CCP110: variants seen among roughly 807,000 people sequenced by gnomAD.
CCP110 encodes centriolar coiled-coil protein of 110 kDa.
A neutral mutation model predicts 105.5 loss-of-function variants in CCP110; 43 were observed. The ratio of observed to expected loss-of-function variants is 0.41; its 90% confidence interval spans 0.32 to 0.53. The LOEUF is 0.53. Among genes scored for constraint, CCP110 ranks in the 20% least tolerant of loss-of-function variants. The pLI is 0.32. For missense variants in CCP110, 1,016 were observed against 1,189.1 expected (o/e 0.85, Z 2.14); for synonymous variants, 353 against 392.1 (o/e 0.90, Z 1.18).
exon 1 of CCP110, chr16:19,524,027 A>T (rs940752546): frequency 1.3e-5 from 2 of 153,686 alleles, no homozygotes; most frequent in African/African-American, 4.8e-5. Context: ...CATTTGAGCC[A>T]TTCGCTTCCT....
At chr16:19,540,947 A>G (rs1970256199) in intron 5 of CCP110, among the ~76,000 whole-genome samples, 160 bp downstream of exon 5, 1 of 152,210 alleles carries the variant, frequency 6.6e-6, no homozygotes, top group South Asian at 2.1e-4. Context: ...CAAAATATGA[A>G]TTTTGATATT....
Position 19,548,636 on chromosome 16 carries a change from A to G in CCP110, c.2986+36A>G. 1 of 1,310,936 alleles carries G rather than the reference A, an allele frequency of 7.6e-7. No individual in the cohort carries two copies. The highest frequency in any genetic ancestry group is 1.1e-6 in the Non-Finnish European group (1 of 936,222). 81.2% of individuals were successfully genotyped at this position (1,310,936 alleles called of 1,614,324 possible). On this transcript the variant is annotated intron_variant, in intron 14 of 14. Coordinates refer to ENST00000381396, the Ensembl canonical transcript of CCP110. The surrounding 1 kb of genome is among the most constrained non-coding windows in gnomAD (Gnocchi z 4.1). ...AATAAATTCCTGAAGCCCATTCAAT[A>G]GAAGGAAGTGCACAAGCTGCCCCAT... is the stretch of plus-strand genomic sequence containing the variant.
intron 14 of CCP110, among the ~76,000 whole-genome samples, chr16:19,550,282 G>C (rs1246089957): frequency 1.3e-5 from 2 of 151,882 alleles, no homozygotes; most frequent in East Asian, 3.9e-4. Context: ...CTCCCAAGTA[G>C]CTGGAATTAC....
chr16:19,536,715 CCG>C lies in CCP110; in HGVS notation c.1047_1048del (p.Glu350LysfsTer2). 2.5e-6 allele frequency: 4 copies of C among 1,614,114 alleles called. No homozygotes were observed. The highest frequency in any genetic ancestry group is 3.4e-6 in the Non-Finnish European group (4 of 1,180,024). ...TTTAAAGTTATTCCCACTTTTGTTA[CCG>C]AAAATAATGTTATCAAAAGTCTTAC... is the stretch of plus-strand genomic sequence containing the variant. On this transcript the variant is annotated frameshift_variant, in exon 4 of 15. Coordinates refer to ENST00000381396, the Ensembl canonical transcript of CCP110. LOFTEE classifies it high-confidence loss of function.
In CCP110 at chr16:19,538,302, C is replaced by CTTTTTTTTTTTTTTT. The variant is rs1164690143; in HGVS notation, c.1918+729_1918+743dup. On this transcript the variant is annotated intron_variant, in intron 4 of 14. Transcript: ENST00000381396. The stretch of plus-strand genomic sequence containing the variant: ...ATATTAATAATTGGAGGAAACAGTT[C>CTTTTTTTTTTTTTTT]TTTTTTTTTTTTTTTTTTTTTTTTT... 1.0e-3 allele frequency among the ~76,000 whole-genome samples: 57 copies of CTTTTTTTTTTTTTTT among 55,244 alleles called. 12 individuals carry two copies. Among genetic ancestry groups the CTTTTTTTTTTTTTTT allele is most frequent in the East Asian group, 6.3e-3 (9 of 1,438 alleles). The allele number at this position is 55,244 out of a possible 152,430, so 36.2% of individuals were successfully genotyped here. A position where few individuals can be genotyped will look rare whatever the true frequency, so the allele number is the denominator to read the frequency against.
intron 1 of CCP110, among the ~76,000 whole-genome samples, chr16:19,524,351 G>A (rs982737679): frequency 6.6e-6 from 1 of 152,150 alleles, no homozygotes; most frequent in Non-Finnish European, 1.5e-5. Context: ...GAGGAGGTGG[G>A]CATGGGGCGC....
At chr16:19,550,446 T>G (rs903017878) in intron 14 of CCP110, among the ~76,000 whole-genome samples, 1 of 152,176 alleles carries the variant, frequency 6.6e-6, no homozygotes, top group African/African-American at 2.4e-5. Flanking sequence ...AGCCACCGCG[T>G]CCAGCCAGAA....
chr16:19,536,279 C>G, exon 4 of CCP110: 5 of 1,613,598 alleles, frequency 3.1e-6, no homozygotes, highest in Non-Finnish European at 4.2e-6. Context: ...TTCTGATGGT[C>G]CCTTCTCAGT....
chr16:19,550,621 T>C (rs1308494256), intron 14 of CCP110, among the ~76,000 whole-genome samples: 1 of 152,240 alleles, frequency 6.6e-6, no homozygotes, highest in Non-Finnish European at 1.5e-5. Flanking sequence ...AATTATGTTC[T>C]GATTTGCTCT....
chr16:19,545,924 A>T, intron 11 of CCP110, 34 bp downstream of exon 11: 1 of 1,226,094 alleles, frequency 8.2e-7, no homozygotes, highest in Non-Finnish European at 1.2e-6. Flanking sequence ...GTTAGTTATC[A>T]AACCAATTAA....
intron 1 of CCP110, among the ~76,000 whole-genome samples, chr16:19,527,568 A>T (rs1969716487): frequency 6.6e-6 from 1 of 152,188 alleles, no homozygotes. Flanking sequence ...GATTTACAGA[A>T]CTTTGTTTCC....
At chr16:19,540,191 C>T (rs1429338507) in intron 4 of CCP110, among the ~76,000 whole-genome samples, 1 of 152,178 alleles carries the variant, frequency 6.6e-6, no homozygotes, top group African/African-American at 2.4e-5. Context: ...GGAATTTTAA[C>T]GTCCAGTCCT....
exon 15 of CCP110, chr16:19,551,511 A>G (rs1970640621): frequency 6.7e-6 from 3 of 449,172 alleles, no homozygotes; most frequent in South Asian, 3.2e-5. Flanking sequence ...ACATAAGTTT[A>G]TTTTATATGC....
intron 4 of CCP110, among the ~76,000 whole-genome samples, chr16:19,539,127 T>A (rs888677894): frequency 6.6e-5 from 10 of 151,314 alleles, no homozygotes; most frequent in African/African-American, 1.7e-4. Flanking sequence ...AAAAAAATAA[T>A]AATAATAAAG....
chr16:19,549,670 A>C (rs1970571997), intron 14 of CCP110, among the ~76,000 whole-genome samples: 3 of 152,242 alleles, frequency 2.0e-5, no homozygotes, highest in African/African-American at 7.2e-5. Flanking sequence ...TAACCATTTG[A>C]AAGGACTCAG....
At chr16:19,552,418 T>A (rs1374823948) in exon 15 of CCP110, 1 of 151,912 alleles carries the variant, frequency 6.6e-6, no homozygotes, top group Non-Finnish European at 1.5e-5. Context: ...TTCCAGCTAC[T>A]TGGGAGGCTG....
intron 1 of CCP110, 64 bp from the exon 2 acceptor site, chr16:19,527,803 T>G (rs1285509123): frequency 2.7e-5 from 37 of 1,373,966 alleles, no homozygotes; most frequent in Non-Finnish European, 8.0e-6. Flanking sequence ...CTCTACAAAA[T>G]CTGCCAAATA....
At chr16:19,524,157 T>C (rs746343266) in intron 1 of CCP110, 69 bp downstream of exon 1, 4 of 152,660 alleles carry the variant, frequency 2.6e-5, no homozygotes, top group Non-Finnish European at 5.8e-5. Context: ...CGAGGCGAAA[T>C]TGGCGCCCTG....
intron 5 of CCP110, 108 bp downstream of exon 5, chr16:19,540,895 A>G (rs1970253990): frequency 1.3e-6 from 1 of 769,488 alleles, no homozygotes; most frequent in South Asian, 2.4e-5. Flanking sequence ...CATATATCTT[A>G]AGGTAAGGGA....
Sources: allele counts gnomAD v4.1 joint callset (sites outside exome capture counted in the v4.1 genomes callset), GRCh38; gene constraint gnomAD v4.1.1; non-coding constraint Gnocchi (gnomAD v3.1); transcripts MANE v1.5; gene names NCBI Gene and HGNC (gene_info 2026-07-23, HGNC 2026-07-21).